Variants in MAP3K9 observed in about 807,000 individuals in gnomAD.
The protein encoded by MAP3K9 is mitogen-activated protein kinase kinase kinase 9, also known as mixed lineage kinase 1 (tyr and ser/thr specificity).
MAP3K9 carries 46 observed loss-of-function variants against 95.8 expected under a neutral mutation model. That is an observed-to-expected ratio of 0.48 (90% confidence interval 0.38 to 0.61). MAP3K9 has a LOEUF of 0.61. MAP3K9 is among the 20% of genes least tolerant of loss of function. The pLI, the probability that MAP3K9 is intolerant of heterozygous loss-of-function variation, is 0.00. For synonymous variants in MAP3K9, 533 were observed against 593.8 expected (o/e 0.90, Z 1.49); for missense variants, 1,296 against 1,474.3 (o/e 0.88, Z 1.98).
chr14:70,809,249 A>C lies in MAP3K9; in HGVS notation c.-78T>G. The C allele has an allele frequency of 7.9e-7, 1 of 1,262,154 alleles. No homozygotes were observed. The highest frequency in any genetic ancestry group is 9.9e-7 in the Non-Finnish European group (1 of 1,007,872). The allele number at this position is 1,262,154 out of a possible 1,614,324, so 78.2% of individuals were successfully genotyped here. On this transcript the variant is annotated 5_prime_UTR_variant, in exon 1 of 12. Transcript: ENST00000554752. ...CCGCCTATTGTTCATGCGCCTCCGC[A>C]GAGCTGGGAGGACCCCCCCCCAACG...
At chr14:70,770,962 C>T (rs2054523989) in intron 2 of MAP3K9, among the ~76,000 whole-genome samples, 1 of 151,854 alleles carries the variant, frequency 6.6e-6, no homozygotes. Context: ...GTCTCCAGTC[C>T]AGTAACTCTT....
intron 4 of MAP3K9, among the ~76,000 whole-genome samples, chr14:70,749,268 G>A (rs958244894): frequency 1.3e-5 from 2 of 152,146 alleles, no homozygotes; most frequent in African/African-American, 2.4e-5. Context: ...TAAGAAAAGC[G>A]AGCCCAAAGA....
At chr14:70,745,602 T>C (rs1259427205) in intron 5 of MAP3K9, among the ~76,000 whole-genome samples, 2 of 152,022 alleles carry the variant, frequency 1.3e-5, no homozygotes, top group African/African-American at 4.8e-5. Context: ...GCTGGGCATG[T>C]TGACGTGCAC....
intron 2 of MAP3K9, among the ~76,000 whole-genome samples, chr14:70,763,982 G>A (rs966780941): frequency 6.7e-5 from 10 of 149,900 alleles, no homozygotes; most frequent in South Asian, 4.3e-4. Flanking sequence ...TCAGGAGATC[G>A]AGACCATCCT....
intron 5 of MAP3K9, among the ~76,000 whole-genome samples, chr14:70,748,442 G>C (rs547222825): frequency 3.3e-5 from 5 of 152,296 alleles, no homozygotes; most frequent in African/African-American, 1.2e-4. Flanking sequence ...TTCTATTTCT[G>C]ATTCTGATGT....
intron 2 of MAP3K9, among the ~76,000 whole-genome samples, chr14:70,799,642 A>T (rs1421546429): frequency 6.6e-6 from 1 of 152,196 alleles, no homozygotes; most frequent in South Asian, 2.1e-4. Context: ...CCTGGCCTTA[A>T]AATGTAGTTT....
intron 11 of MAP3K9, among the ~76,000 whole-genome samples, chr14:70,732,104 G>A (rs1277673379): frequency 1.3e-5 from 2 of 152,190 alleles, no homozygotes; most frequent in African/African-American, 2.4e-5. Flanking sequence ...ATGCTATAAT[G>A]AGAGGCAAAA....
chr14:70,730,187 G>A lies in MAP3K9; in HGVS notation c.*193C>T, dbSNP rs770199495. Reference sequence around the variant, plus strand: ...TGGCCACAGCCCCTCCAGTGGACACGGGTAGAAAGGCCCTGCAGGGCAGGA... The same window carrying A: ...TGGCCACAGCCCCTCCAGTGGACACAGGTAGAAAGGCCCTGCAGGGCAGGA... On this transcript the variant is annotated 3_prime_UTR_variant, in exon 12 of 12. Transcript: ENST00000554752. 27 of 763,412 alleles carry A rather than the reference G, an allele frequency of 3.5e-5. No homozygotes were observed. Among genetic ancestry groups the A allele is most frequent in the African/African-American group, 8.8e-5 (5 of 57,018 alleles). 47.3% of individuals were successfully genotyped at this position (763,412 alleles called of 1,614,324 possible). A position where few individuals can be genotyped will look rare whatever the true frequency, so the allele number is the denominator to read the frequency against.
intron 2 of MAP3K9, among the ~76,000 whole-genome samples, chr14:70,782,857 G>T (rs1322201283): frequency 6.6e-6 from 1 of 152,134 alleles, no homozygotes; most frequent in Non-Finnish European, 1.5e-5. Context: ...CACCATGGTA[G>T]GGAAAATTCA....
intron 2 of MAP3K9, 23 bp downstream of exon 2, chr14:70,800,635 GAGCCCCTCC>G: frequency 6.3e-7 from 1 of 1,596,024 alleles, no homozygotes; most frequent in Non-Finnish European, 8.5e-7. Flanking sequence ...CAACTGCTCT[GAGCCCCTCC>G]AGCCCCATCT....
chr14:70,737,838 C>T (rs942245021), intron 8 of MAP3K9, among the ~76,000 whole-genome samples: 28 of 152,176 alleles, frequency 1.8e-4, no homozygotes, highest in African/African-American at 3.9e-4. Context: ...CTGAGTAGAA[C>T]GCCTTCAGGG....
intron 2 of MAP3K9, among the ~76,000 whole-genome samples, chr14:70,788,356 T>A (rs1327152309): frequency 1.3e-5 from 2 of 152,256 alleles, no homozygotes; most frequent in Non-Finnish European, 2.9e-5. Flanking sequence ...GTCAATATAC[T>A]GGGTGCTTAT....
chr14:70,786,765 C>T (rs1458950880), intron 2 of MAP3K9, among the ~76,000 whole-genome samples: 1 of 152,188 alleles, frequency 6.6e-6, no homozygotes. Context: ...CTGTAAGGTT[C>T]CAGTAAGCTC....
rs1196340028 is a variant in MAP3K9 at position 70,736,012 on chromosome 14, T to C, written c.1862A>G (p.Glu621Gly). 6.2e-6 allele frequency: 10 copies of C among 1,613,102 alleles called. No individual in the cohort carries two copies. Among genetic ancestry groups the C allele is most frequent in the African/African-American group, 1.3e-5 (1 of 74,870 alleles). The change falls in exon 9 of 12, where the codon GAG becomes GGG. Residue 621 changes from glutamate to glycine, a missense_variant. Physicochemically the swap from Glu to Gly is moderately conservative, Grantham distance 98. Transcript: ENST00000554752. ...TGGGGTACTTAAACCATTAGCTTTCTCACGTCTCTGAGGGGATCTTCAATG... is the reference window on the plus strand; with the variant it reads ...TGGGGTACTTAAACCATTAGCTTTCCCACGTCTCTGAGGGGATCTTCAATG... ...SGDEGSPQRR[E>G]KANGLSTPSE...
intron 2 of MAP3K9, among the ~76,000 whole-genome samples, chr14:70,783,731 G>A (rs1356830860): frequency 6.6e-6 from 1 of 152,222 alleles, no homozygotes; most frequent in African/African-American, 2.4e-5. Context: ...GAATGGAACT[G>A]CTCTCTTGCT....
chr14:70,737,436 A>C (rs1385155475), intron 8 of MAP3K9, among the ~76,000 whole-genome samples: 1 of 152,198 alleles, frequency 6.6e-6, no homozygotes, highest in African/African-American at 2.4e-5. Flanking sequence ...GATCTTCATT[A>C]CTACACTATG....
At chr14:70,804,034 T>C (rs1005355278) in intron 1 of MAP3K9, among the ~76,000 whole-genome samples, 4 of 152,234 alleles carry the variant, frequency 2.6e-5, no homozygotes, top group Admixed American at 2.0e-4. Context: ...AGTCTGTAGA[T>C]GTGGAGAGGA....
At chr14:70,768,632 T>C (rs1344912478) in intron 2 of MAP3K9, among the ~76,000 whole-genome samples, 1 of 152,092 alleles carries the variant, frequency 6.6e-6, no homozygotes, top group Non-Finnish European at 1.5e-5. Context: ...GGCCATCCCA[T>C]TAGGAGGTCA....
intron 2 of MAP3K9, among the ~76,000 whole-genome samples, chr14:70,761,793 T>A (rs753715597): frequency 6.6e-6 from 1 of 152,198 alleles, no homozygotes; most frequent in Non-Finnish European, 1.5e-5. Flanking sequence ...ATTAACCATT[T>A]CAAAGTGAAC....
Sources: allele counts gnomAD v4.1 joint callset (sites outside exome capture counted in the v4.1 genomes callset), GRCh38; gene constraint gnomAD v4.1.1; transcripts MANE v1.5; gene names NCBI Gene and HGNC (gene_info 2026-07-23, HGNC 2026-07-21).